The following RP1 variants were observed in gnomAD, a reference collection of about 807,000 sequenced individuals.
RP1 encodes oxygen-regulated protein 1.
In RP1, 16 loss-of-function variants were observed where a neutral mutation model predicts 14.8. The ratio of observed to expected loss-of-function variants is 1.08; its 90% confidence interval spans 0.73 to 1.65. The LOEUF is 1.65. RP1 is among the 40% of genes most tolerant of loss of function. RP1 has a pLI of 0.00. For missense variants in RP1, 2,631 were observed against 2,535.0 expected (o/e 1.04, Z -0.81); for synonymous variants, 876 against 883.6 (o/e 0.99, Z 0.15).
chr8:54,858,640 T>C (rs1031378931), intron 27 of RP1, among the ~76,000 whole-genome samples: 1 of 150,438 alleles, frequency 6.6e-6, no homozygotes, highest in African/African-American at 2.5e-5. Flanking sequence ...CACTGTAGAG[T>C]TGCATTTCTG....
intron 24 of RP1, among the ~76,000 whole-genome samples, chr8:54,815,845 A>G (rs1811123168): frequency 6.6e-6 from 1 of 152,224 alleles, no homozygotes; most frequent in Non-Finnish European, 1.5e-5. Context: ...GCTCAGCTGT[A>G]GTAATTATTA....
intron 16 of RP1, among the ~76,000 whole-genome samples, chr8:54,724,463 A>T (rs1341761551): frequency 6.6e-6 from 1 of 152,224 alleles, no homozygotes; most frequent in Non-Finnish European, 1.5e-5. Context: ...CTAATCATCC[A>T]AATCCAGCTG....
intron 13 of RP1, among the ~76,000 whole-genome samples, chr8:54,700,234 G>T (rs189231152): frequency 6.6e-6 from 1 of 151,070 alleles, no homozygotes; most frequent in African/African-American, 2.4e-5. Context: ...TTGAGACAAG[G>T]TCTTGCTCTG....
At chr8:54,677,197 G>C (rs758731347) in intron 8 of RP1, among the ~76,000 whole-genome samples, 9 of 151,744 alleles carry the variant, frequency 5.9e-5, no homozygotes, top group Non-Finnish European at 1.3e-4. Context: ...CCTCTGTCCT[G>C]GGCAAACTGG....
chr8:54,755,654 C>T, exon 21 of RP1: 1 of 1,536,042 alleles, frequency 6.5e-7, no homozygotes, highest in Non-Finnish European at 8.7e-7. Flanking sequence ...CACTGGGCAG[C>T]TGAAGCATGC....
chr8:54,687,645 C>CT (rs1309752077), intron 12 of RP1, among the ~76,000 whole-genome samples: 1 of 152,068 alleles, frequency 6.6e-6, no homozygotes, highest in East Asian at 1.9e-4. Flanking sequence ...TGAACTCATC[C>CT]TTTTTTATGG....
At chr8:54,709,681 G>T (rs1017076266) in intron 15 of RP1, among the ~76,000 whole-genome samples, 1 of 152,174 alleles carries the variant, frequency 6.6e-6, no homozygotes, top group African/African-American at 2.4e-5. Context: ...ATAAGGCAGA[G>T]ATTCTCTAGG....
intron 17 of RP1, among the ~76,000 whole-genome samples, chr8:54,732,424 G>A (rs1808814213): frequency 6.6e-6 from 1 of 152,164 alleles, no homozygotes; most frequent in Non-Finnish European, 1.5e-5. Context: ...TCTCCAGGGT[G>A]AGACTCTCAT....
intron 24 of RP1, among the ~76,000 whole-genome samples, chr8:54,813,081 G>A (rs1199163267): frequency 5.9e-5 from 9 of 152,216 alleles, no homozygotes; most frequent in African/African-American, 1.9e-4. Flanking sequence ...CGGGAACCCA[G>A]TCCAACTTTT....
At chr8:54,568,805 G>C (rs971337857) in intron 1 of RP1, among the ~76,000 whole-genome samples, 1 of 152,150 alleles carries the variant, frequency 6.6e-6, no homozygotes, top group Non-Finnish European at 1.5e-5. Flanking sequence ...TCACCACAGG[G>C]GACAAAATCT....
intron 1 of RP1, among the ~76,000 whole-genome samples, chr8:54,565,258 C>G (rs571393542): frequency 1.6e-4 from 24 of 152,294 alleles, no homozygotes; most frequent in African/African-American, 5.5e-4. Context: ...TGGAGGTGAA[C>G]AGCAAGTAGC....
At position 54,630,597 on chromosome 8, in the gene RP1, T is replaced by TA; in HGVS notation, c.*245dup. 1 of 1,216,314 alleles carries TA rather than the reference T, an allele frequency of 8.2e-7. No homozygotes were observed. Among genetic ancestry groups the TA allele is most frequent in the Non-Finnish European group, 1.0e-6 (1 of 971,386 alleles). 75.3% of individuals were successfully genotyped at this position (1,216,314 alleles called of 1,614,324 possible). Reference sequence around the variant, plus strand: ...TTTCTATCTGGTTTTGTTCTGAACTTACATTTTTTTTTTTTTTGGTATCTA... The same window carrying TA: ...TTTCTATCTGGTTTTGTTCTGAACTTAACATTTTTTTTTTTTTTGGTATCTA... On this transcript the variant is annotated 3_prime_UTR_variant, in exon 4 of 4. Transcript: ENST00000220676.
intron 1 of RP1, among the ~76,000 whole-genome samples, chr8:54,588,513 G>A (rs573567486): frequency 1.3e-5 from 2 of 152,320 alleles, no homozygotes; most frequent in South Asian, 4.1e-4. Context: ...GCCCAGGAAG[G>A]AGCTGGCACA....
intron 5 of RP1, chr8:54,652,912 A>G: frequency 3.0e-6 from 4 of 1,341,766 alleles, no homozygotes; most frequent in Non-Finnish European, 3.1e-6. Context: ...AATCCTCTGC[A>G]TATTCCTCTC....
intron 1 of RP1, among the ~76,000 whole-genome samples, chr8:54,603,723 G>C (rs574834528): frequency 1.3e-5 from 2 of 152,248 alleles, no homozygotes; most frequent in East Asian, 3.9e-4. Context: ...TTGAGCAGTG[G>C]TTTGTAGTTC....
chr8:54,734,424 G>A, intron 17 of RP1: 1 of 814,232 alleles, frequency 1.2e-6, no homozygotes, highest in Non-Finnish European at 1.9e-6. Context: ...ACAGTGCAGT[G>A]CCTCCTGCTT....
At chr8:54,637,347 A>G (rs952677533) in intron 3 of RP1, among the ~76,000 whole-genome samples, 5 of 152,222 alleles carry the variant, frequency 3.3e-5, no homozygotes, top group African/African-American at 1.2e-4. Context: ...CCACCTAGGC[A>G]TTAAGAGCCA....
At chr8:54,806,029 TA>T (rs888880471) in intron 24 of RP1, among the ~76,000 whole-genome samples, 30 of 152,258 alleles carry the variant, frequency 2.0e-4, no homozygotes, top group African/African-American at 7.0e-4. Context: ...TATTTTCTTT[TA>T]TTTTTTGAGA....
intron 1 of RP1, among the ~76,000 whole-genome samples, chr8:54,567,359 A>C (rs1397062722): frequency 1.3e-5 from 2 of 152,180 alleles, no homozygotes; most frequent in Non-Finnish European, 2.9e-5. Context: ...CTCAGAGCCT[A>C]ATACCTTTCA....
Sources: allele counts gnomAD v4.1 joint callset (sites outside exome capture counted in the v4.1 genomes callset), GRCh38; gene constraint gnomAD v4.1.1; transcripts MANE v1.5; gene names NCBI Gene and HGNC (gene_info 2026-07-23, HGNC 2026-07-21).